The following NLGN1 variants were observed in gnomAD, a reference collection of about 807,000 sequenced individuals.
The protein encoded by NLGN1 is neuroligin-1.
A neutral mutation model predicts 65.5 loss-of-function variants in NLGN1; 12 were observed. The observed-to-expected ratio is 0.18, with a 90% confidence interval of 0.12 to 0.30. NLGN1 has a LOEUF of 0.30. NLGN1 is among the 10% of genes least tolerant of loss of function. NLGN1 has a pLI of 1.00. For missense variants in NLGN1, 750 were observed against 1,007.1 expected (o/e 0.74, Z 3.46); for synonymous variants, 350 against 359.5 (o/e 0.97, Z 0.30).
chr3:174,006,204 G>A (rs1279195725), intron 4 of NLGN1, among the ~76,000 whole-genome samples: 1 of 152,012 alleles, frequency 6.6e-6, no homozygotes, highest in Non-Finnish European at 1.5e-5. Context: ...GCTCACTCCA[G>A]GACTTTCCTA....
rs145224043 is a variant in NLGN1, at chr3:173,884,121, G to A, written c.646+76289G>A. Among the ~76,000 whole-genome samples, 143 of 151,472 alleles carry A rather than the reference G, an allele frequency of 9.4e-4. 2 individuals are homozygous for A. The East Asian group carries it at 0.024, about 26-fold the overall frequency. On this transcript the variant is annotated intron_variant, in intron 4 of 6. Transcript: ENST00000457714. ...TAGGATGTTGTTTGGCCTTTATCGT[G>A]CTGACCCAAAATTTTTGTTTGCAAT...
chr3:174,188,195 A>G (rs1731771752), intron 4 of NLGN1, among the ~76,000 whole-genome samples: 1 of 152,172 alleles, frequency 6.6e-6, no homozygotes, highest in South Asian at 2.1e-4. Flanking sequence ...ACATTTGTGT[A>G]ACACTTTATA....
chr3:173,592,150 G>A (rs1475680000), intron 2 of NLGN1, among the ~76,000 whole-genome samples: 2 of 152,100 alleles, frequency 1.3e-5, no homozygotes, highest in Non-Finnish European at 2.9e-5. Context: ...TGGAAGTCAG[G>A]CTTCCTAAGT....
At chr3:173,971,019 GTTGTA>G (rs1262116342) in intron 4 of NLGN1, among the ~76,000 whole-genome samples, 1 of 152,102 alleles carries the variant, frequency 6.6e-6, no homozygotes, top group Admixed American at 6.6e-5. Flanking sequence ...TGTCAGCAAT[GTTGTA>G]TGGAAAGATG....
intron 4 of NLGN1, among the ~76,000 whole-genome samples, chr3:173,830,202 A>G (rs897858413): frequency 6.6e-6 from 1 of 152,180 alleles, no homozygotes; most frequent in African/African-American, 2.4e-5. Flanking sequence ...TAGGTCAGTT[A>G]ATAGTATTCC....
At chr3:173,748,755 G>A (rs1775898451) in intron 3 of NLGN1, among the ~76,000 whole-genome samples, 1 of 152,062 alleles carries the variant, frequency 6.6e-6, no homozygotes, top group South Asian at 2.1e-4. Context: ...TTATCTATCA[G>A]TTTGGAAGAT....
chr3:173,770,225 G>C (rs146081464), intron 3 of NLGN1, among the ~76,000 whole-genome samples: 1 of 152,242 alleles, frequency 6.6e-6, no homozygotes, highest in African/African-American at 2.4e-5. Flanking sequence ...AAATGAGTCA[G>C]CTGGCTGCTC....
chr3:174,185,067 ATGC>A (rs1731149280), intron 4 of NLGN1, among the ~76,000 whole-genome samples: 2 of 151,498 alleles, frequency 1.3e-5, no homozygotes, highest in Non-Finnish European at 2.9e-5. Flanking sequence ...CCTGCACAGT[ATGC>A]AAAGGCCCTG....
At chr3:173,852,034 G>A in intron 4 of NLGN1, among the ~76,000 whole-genome samples, 1 of 151,786 alleles carries the variant, frequency 6.6e-6, no homozygotes. Flanking sequence ...TTTAAGCAAA[G>A]AATATAAAAT....
intron 4 of NLGN1, among the ~76,000 whole-genome samples, chr3:173,950,473 A>G (rs917081578): frequency 6.6e-6 from 1 of 152,208 alleles, no homozygotes; most frequent in Non-Finnish European, 1.5e-5. Flanking sequence ...GTTTATGTGC[A>G]AAGGAGAGTT....
chr3:173,747,275 G>GTA (rs1553831474), intron 3 of NLGN1, among the ~76,000 whole-genome samples: 2 of 129,954 alleles, frequency 1.5e-5, no homozygotes, highest in African/African-American at 3.0e-5. Context: ...ATATCTTTAA[G>GTA]TATATATATT....
intron 4 of NLGN1, among the ~76,000 whole-genome samples, chr3:173,955,985 G>A (rs1177737958): frequency 6.6e-6 from 1 of 151,856 alleles, no homozygotes; most frequent in African/African-American, 2.4e-5. Flanking sequence ...CCAATTATTA[G>A]CAAAAAATAT....
chr3:173,731,747 T>C (rs1772886276), intron 3 of NLGN1, among the ~76,000 whole-genome samples: 1 of 152,000 alleles, frequency 6.6e-6, no homozygotes, highest in Non-Finnish European at 1.5e-5. Context: ...CCTAGAACAA[T>C]ATTCTGTACC....
chr3:174,270,481 A>G (rs1050826336), intron 4 of NLGN1, among the ~76,000 whole-genome samples: 1 of 151,850 alleles, frequency 6.6e-6, no homozygotes, highest in Non-Finnish European at 1.5e-5. Context: ...ATTTAAATAC[A>G]TTATATTTTA....
chr3:173,782,755 T>C (rs1781371042), intron 3 of NLGN1, among the ~76,000 whole-genome samples: 1 of 152,016 alleles, frequency 6.6e-6, no homozygotes, highest in Admixed American at 6.6e-5. Flanking sequence ...ATGAGAATTT[T>C]TCAAACTATG....
At chr3:173,782,674 G>A (rs1781351666) in intron 3 of NLGN1, among the ~76,000 whole-genome samples, 1 of 147,120 alleles carries the variant, frequency 6.8e-6, no homozygotes, top group African/African-American at 2.5e-5. Flanking sequence ...AAATTTTATT[G>A]TGTACTCAAA....
chr3:173,987,294 A>G (rs890922753), intron 4 of NLGN1, among the ~76,000 whole-genome samples: 1 of 152,200 alleles, frequency 6.6e-6, no homozygotes, highest in Non-Finnish European at 1.5e-5. Flanking sequence ...TCTTGTCACT[A>G]ATTAGTTCAG....
chr3:174,007,294 T>C (rs1041861731), intron 4 of NLGN1, among the ~76,000 whole-genome samples: 1 of 152,236 alleles, frequency 6.6e-6, no homozygotes, highest in Admixed American at 6.5e-5. Context: ...CAGTCTGTGC[T>C]GTGGTATGTT....
intron 4 of NLGN1, among the ~76,000 whole-genome samples, chr3:173,911,643 T>A (rs1171651850): frequency 6.6e-6 from 1 of 152,180 alleles, no homozygotes; most frequent in African/African-American, 2.4e-5. Flanking sequence ...TAGTTCTTGG[T>A]GCCATGTGAC....
Sources: allele counts gnomAD v4.1 joint callset (sites outside exome capture counted in the v4.1 genomes callset), GRCh38; gene constraint gnomAD v4.1.1; transcripts MANE v1.5; gene names NCBI Gene and HGNC (gene_info 2026-07-23, HGNC 2026-07-21).